The following SLC35D4 variants were observed in gnomAD, a reference collection of about 807,000 sequenced individuals.
The protein encoded by SLC35D4 is solute carrier family 35 member D4.
At chr18:23,437,828 C>T in the SLC35D4 span, 3,182 of 1,613,024 alleles carry the variant, frequency 2.0e-3, 6 homozygotes, top group Non-Finnish European at 2.2e-3. Flanking sequence ...AAGGTGAGGC[C>T]GACCAGAGAC....
the SLC35D4 span, among the ~76,000 whole-genome samples, chr18:23,359,205 T>C: frequency 6.6e-6 from 1 of 152,000 alleles, no homozygotes; most frequent in African/African-American, 2.4e-5. Context: ...GCTAAGATGG[T>C]GAAACCCCAT....
At chr18:23,377,666 T>C in the SLC35D4 span, 4 of 1,576,530 alleles carry the variant, frequency 2.5e-6, no homozygotes, top group Non-Finnish European at 3.4e-6. Flanking sequence ...TTGCAGGAGA[T>C]GTTTTCTGCA....
At chr18:23,256,704 C>CA in the SLC35D4 span, among the ~76,000 whole-genome samples, 2 of 152,122 alleles carry the variant, frequency 1.3e-5, no homozygotes, top group African/African-American at 4.8e-5. Flanking sequence ...AGGCTGGTCT[C>CA]AAACTCCCGA....
chr18:23,287,028 C>T, the SLC35D4 span, among the ~76,000 whole-genome samples: 2 of 150,862 alleles, frequency 1.3e-5, no homozygotes, highest in Non-Finnish European at 3.0e-5. Context: ...TCACCCTTAC[C>T]CCGCTCAATA....
chr18:23,334,991 C>T, the SLC35D4 span, among the ~76,000 whole-genome samples: 4 of 150,252 alleles, frequency 2.7e-5, no homozygotes, highest in South Asian at 2.1e-4. Flanking sequence ...AGCGACAGAG[C>T]GAGACTCTGT....
chr18:23,346,135 G>A, the SLC35D4 span, among the ~76,000 whole-genome samples: 1 of 151,970 alleles, frequency 6.6e-6, no homozygotes, highest in Non-Finnish European at 1.5e-5. Flanking sequence ...AGTAAAACTA[G>A]TTTTATTTAT....
At chr18:23,241,844 AG>A in the SLC35D4 span, among the ~76,000 whole-genome samples, 1 of 152,190 alleles carries the variant, frequency 6.6e-6, no homozygotes, top group Non-Finnish European at 1.5e-5. Flanking sequence ...CCAGAGGTGA[AG>A]CCTGTCATTT....
chr18:23,387,901 T>C, the SLC35D4 span, among the ~76,000 whole-genome samples: 1 of 152,230 alleles, frequency 6.6e-6, no homozygotes, highest in Non-Finnish European at 1.5e-5. Context: ...GTTAAGATTA[T>C]TAAAGAGATT....
the SLC35D4 span, chr18:23,298,137 G>A: frequency 1.7e-5 from 26 of 1,571,216 alleles, no homozygotes; most frequent in Middle Eastern, 5.0e-4. Flanking sequence ...GCCCACATAC[G>A]CAGGGCAAGG....
the SLC35D4 span, among the ~76,000 whole-genome samples, chr18:23,393,132 G>A: frequency 6.6e-6 from 1 of 152,050 alleles, no homozygotes; most frequent in Admixed American, 6.6e-5. Context: ...GGCCAGGATG[G>A]TCTCGATCTC....
chr18:23,377,626 G>A, the SLC35D4 span: 4 of 1,572,490 alleles, frequency 2.5e-6, no homozygotes, highest in Non-Finnish European at 3.4e-6. Flanking sequence ...GGCTTTTTGG[G>A]GGGAGGGCAG....
the SLC35D4 span, among the ~76,000 whole-genome samples, chr18:23,244,796 C>G: frequency 6.6e-6 from 1 of 152,204 alleles, no homozygotes; most frequent in African/African-American, 2.4e-5. Context: ...CCAGGTCTTA[C>G]AGCTAGCTCC....
chr18:23,360,595 C>T, the SLC35D4 span, among the ~76,000 whole-genome samples: 1 of 152,086 alleles, frequency 6.6e-6, no homozygotes, highest in South Asian at 2.1e-4. Context: ...GATATCAGAT[C>T]CATAGAGGTC....
chr18:23,248,892 A>G, the SLC35D4 span, among the ~76,000 whole-genome samples: 2 of 152,250 alleles, frequency 1.3e-5, no homozygotes, highest in Non-Finnish European at 2.9e-5. Context: ...GGAGGCTGAC[A>G]GAATAACCTA....
At chr18:23,419,129 A>G in the SLC35D4 span, among the ~76,000 whole-genome samples, 1 of 152,186 alleles carries the variant, frequency 6.6e-6, no homozygotes, top group Non-Finnish European at 1.5e-5. Flanking sequence ...TACTTTATTC[A>G]TATTAACCTT....
chr18:23,437,757 T>G, the SLC35D4 span: 4 of 1,605,968 alleles, frequency 2.5e-6, no homozygotes, highest in African/African-American at 5.4e-5. Context: ...GTGCAATCGC[T>G]GCCTCCCGCG....
the SLC35D4 span, among the ~76,000 whole-genome samples, chr18:23,303,430 AGCCTCTTACAGAC>A: frequency 4.9e-3 from 748 of 152,378 alleles, 6 homozygotes; most frequent in African/African-American, 0.017. Context: ...GCCCAGAGAC[AGCCTCTTACAGAC>A]GCCTGCTTCC....
chr18:23,339,151 A>G, the SLC35D4 span, among the ~76,000 whole-genome samples: 2 of 152,308 alleles, frequency 1.3e-5, no homozygotes, highest in African/African-American at 4.8e-5. Flanking sequence ...TTGGCCTCCC[A>G]AAGTGCTGGG....
chr18:23,287,002 T>A, the SLC35D4 span, among the ~76,000 whole-genome samples: 1 of 150,370 alleles, frequency 6.7e-6, no homozygotes, highest in African/African-American at 2.4e-5. Context: ...CCCCTTACCA[T>A]CTCCTTAAAA....
Sources: allele counts gnomAD v4.1 joint callset (sites outside exome capture counted in the v4.1 genomes callset), GRCh38; gene constraint gnomAD v4.1.1; transcripts MANE v1.5; gene names NCBI Gene and HGNC (gene_info 2026-07-23, HGNC 2026-07-21).